The following GPHN variants were observed in gnomAD, a reference collection of about 807,000 sequenced individuals.
GPHN encodes gephyrin.
A neutral mutation model predicts 95.5 loss-of-function variants in GPHN; 17 were observed. The ratio of observed to expected loss-of-function variants is 0.18; its 90% CI spans 0.12 to 0.27. The LOEUF (loss-of-function observed/expected upper bound fraction) is 0.27. GPHN is among the 10% of genes least tolerant of loss of function. The pLI is 1.00. For synonymous variants in GPHN, 320 were observed against 322.5 expected, an observed-to-expected ratio of 0.99 and a Z score of 0.08; for missense variants, 660 against 978.1, an observed-to-expected ratio of 0.67 and a Z score of 4.34.
At chr14:67,619,885 C>T in the GPHN span, 6 of 851,586 alleles carry the variant, frequency 7.0e-6, no homozygotes, top group South Asian at 1.9e-5. Flanking sequence ...GACGCTGGCG[C>T]GGGTAGGTAA....
At chr14:67,659,683 A>G in the GPHN span, 1 of 1,538,686 alleles carries the variant, frequency 6.5e-7, no homozygotes, top group African/African-American at 1.4e-5. Flanking sequence ...TTTTTGTACC[A>G]CAGGCCCTTA....
chr14:67,611,997 T>C, the GPHN span, among the ~76,000 whole-genome samples: 2 of 152,162 alleles, frequency 1.3e-5, no homozygotes, highest in Admixed American at 1.3e-4. Flanking sequence ...ATAAGGAGCA[T>C]GCAGCCTAGA....
chr14:66,826,217 ACTGGGCTTTCAGTTAATACAAAATG>A, intron 4 of GPHN, among the ~76,000 whole-genome samples: 1 of 152,144 alleles, frequency 6.6e-6, no homozygotes, highest in East Asian at 1.9e-4. Context: ...TTTGTATCCT[ACTGGGCTTTCAGTTAATACAAAATG>A]CTAGGCTGAA....
intron 1 of GPHN, among the ~76,000 whole-genome samples, chr14:66,619,283 A>C (rs1004514088): frequency 6.6e-6 from 1 of 152,160 alleles, no homozygotes. Context: ...CTGTATGTTT[A>C]ACTTTTTAAG....
At chr14:67,269,025 TCCCA>T in the GPHN span, among the ~76,000 whole-genome samples, 2 of 152,140 alleles carry the variant, frequency 1.3e-5, no homozygotes, top group Admixed American at 1.3e-4. Flanking sequence ...GCCATAATTC[TCCCA>T]CCCATTCACC....
chr14:67,233,910 A>G, the GPHN span, among the ~76,000 whole-genome samples: 1 of 152,246 alleles, frequency 6.6e-6, no homozygotes, highest in Non-Finnish European at 1.5e-5. Flanking sequence ...GGATTCTGGA[A>G]TTCAGGGCAG....
At chr14:67,494,801 A>C in the GPHN span, among the ~76,000 whole-genome samples, 1 of 152,184 alleles carries the variant, frequency 6.6e-6, no homozygotes, top group Non-Finnish European at 1.5e-5. Flanking sequence ...AAGGCTACAG[A>C]AGAAGCACCA....
the GPHN span, among the ~76,000 whole-genome samples, chr14:67,476,262 C>T: frequency 6.6e-6 from 1 of 152,334 alleles, no homozygotes; most frequent in African/African-American, 2.4e-5. Flanking sequence ...CTTCCAAGCA[C>T]TTCGTTCGCA....
At chr14:66,931,789 A>G (rs2066812910) in intron 8 of GPHN, among the ~76,000 whole-genome samples, 1 of 152,136 alleles carries the variant, frequency 6.6e-6, no homozygotes, top group Admixed American at 6.5e-5. Flanking sequence ...CATTTTGTTG[A>G]GCTTCCTCAA....
intron 11 of GPHN, among the ~76,000 whole-genome samples, chr14:67,064,723 A>G (rs1368235862): frequency 2.6e-5 from 4 of 152,014 alleles, no homozygotes; most frequent in African/African-American, 9.7e-5. Context: ...ATTTGCATAG[A>G]GGTGTTTATG....
chr14:67,578,301 G>A, the GPHN span: 1 of 1,044,552 alleles, frequency 9.6e-7, no homozygotes, highest in Non-Finnish European at 1.4e-6. The surrounding 1 kb of genome is among the most constrained non-coding windows in gnomAD (Gnocchi z 5.0). Context: ...GGTGAGCCCA[G>A]CCAGCGGGCA....
At chr14:67,538,168 T>G in the GPHN span, among the ~76,000 whole-genome samples, 77,656 of 152,020 alleles carry the variant, frequency 0.51, 20,214 homozygotes, top group Non-Finnish European at 0.55. Flanking sequence ...CCTCTCTCAT[T>G]TCCCCATTTA....
At chr14:67,575,630 TG>T in the GPHN span, 1 of 710,132 alleles carries the variant, frequency 1.4e-6, no homozygotes. Flanking sequence ...TCTGCCTGTC[TG>T]GGTCTCTGGT....
intron 4 of GPHN, among the ~76,000 whole-genome samples, chr14:66,865,107 C>A (rs770434269): frequency 1.1e-4 from 17 of 151,928 alleles, no homozygotes; most frequent in Non-Finnish European, 2.1e-4. Flanking sequence ...TGATTACCAG[C>A]TGAGGATGGT....
chr14:67,235,493 A>T, the GPHN span, among the ~76,000 whole-genome samples: 1 of 152,122 alleles, frequency 6.6e-6, no homozygotes, highest in Non-Finnish European at 1.5e-5. Flanking sequence ...AGGCGGGCGG[A>T]TCACGAGGTC....
the GPHN span, among the ~76,000 whole-genome samples, chr14:67,281,509 A>ATTAT: frequency 6.6e-6 from 1 of 151,920 alleles, no homozygotes; most frequent in Admixed American, 6.6e-5. Context: ...CCACTCTATT[A>ATTAT]TTATTTATTT....
chr14:66,508,617 C>CT (rs1378404403), intron 1 of GPHN, 26 bp downstream of exon 1: 27 of 1,586,034 alleles, frequency 1.7e-5, no homozygotes, highest in Non-Finnish European at 2.3e-5. Flanking sequence ...GGTCTGGGAC[C>CT]TATGAGGCTG....
the GPHN span, among the ~76,000 whole-genome samples, chr14:67,713,961 A>G: frequency 0.13 from 20,383 of 152,130 alleles, 1,403 homozygotes; most frequent in East Asian, 0.21. Context: ...ATTTATCTTA[A>G]TGAGGAGAGG....
At chr14:67,055,047 G>A (rs1395031965) in intron 10 of GPHN, among the ~76,000 whole-genome samples, 1 of 152,206 alleles carries the variant, frequency 6.6e-6, no homozygotes. Context: ...CAAAGATTTC[G>A]TGACAAAAAC....
Sources: gnomAD v4.1 joint callset for allele counts (sites outside exome capture counted in the v4.1 genomes callset) on GRCh38, gnomAD v4.1.1 for gene constraint, Gnocchi (gnomAD v3.1) non-coding constraint, MANE v1.5 for transcripts, NCBI Gene and HGNC (gene_info 2026-07-23, HGNC 2026-07-21) for gene names.